Variants in WWTR1 observed in about 807,000 individuals in gnomAD.
WWTR1 encodes the protein WW domain containing transcription regulator 1.
A neutral mutation model predicts 40.1 loss-of-function variants in WWTR1; 13 were observed. That is an observed-to-expected ratio of 0.32 (90% confidence interval 0.21 to 0.52). The LOEUF (loss-of-function observed/expected upper bound fraction) is 0.52, where lower values mean the gene tolerates loss of function less well. Among genes scored for constraint, WWTR1 ranks in the 20% least tolerant of loss-of-function variants. The probability of loss-of-function intolerance (pLI) is 0.97; values close to 1 mark genes in which losing one functional copy is unlikely to be tolerated. For missense variants in WWTR1, 436 were observed against 523.1 expected (o/e 0.83, Z 1.63); for synonymous variants, 230 against 210.1 (o/e 1.09, Z -0.82).
At chr3:149,637,437 G>A (rs77478406) in intron 2 of WWTR1, among the ~76,000 whole-genome samples, 2 of 151,814 alleles carry the variant, frequency 1.3e-5, no homozygotes, top group African/African-American at 4.8e-5. Context: ...CACCATGTTG[G>A]CCAGGCTGGT....
intron 2 of WWTR1, among the ~76,000 whole-genome samples, chr3:149,615,484 G>C (rs72997959): frequency 0.041 from 6,215 of 152,206 alleles, 409 homozygotes; most frequent in African/African-American, 0.14. Context: ...GTAGGTACGT[G>C]GGAAATTATC....
intron 2 of WWTR1, among the ~76,000 whole-genome samples, chr3:149,613,768 A>G (rs1162789172): frequency 1.3e-5 from 2 of 152,114 alleles, no homozygotes; most frequent in Non-Finnish European, 2.9e-5. Context: ...CTGGTCTCGA[A>G]ATCTTGGACT....
chr3:149,718,579 A>G (rs968239345), intron 4 of WWTR1, among the ~76,000 whole-genome samples: 8 of 152,218 alleles, frequency 5.3e-5, no homozygotes, highest in Admixed American at 2.6e-4. Flanking sequence ...ATCCATCTCC[A>G]GATCTCTTTT....
chr3:149,541,956 C>G (rs1414822348), intron 4 of WWTR1, among the ~76,000 whole-genome samples: 3 of 152,144 alleles, frequency 2.0e-5, no homozygotes, highest in Non-Finnish European at 4.4e-5. Context: ...AGGTGAGCCC[C>G]TTCTAAATTC....
chr3:149,620,581 C>T (rs1576602067), intron 2 of WWTR1, among the ~76,000 whole-genome samples: 1 of 147,044 alleles, frequency 6.8e-6, no homozygotes, highest in African/African-American at 2.5e-5. Flanking sequence ...CACACACACA[C>T]ACTCATCTTC....
intron 5 of WWTR1, among the ~76,000 whole-genome samples, chr3:149,716,587 G>GA (rs896943441): frequency 6.0e-5 from 9 of 150,668 alleles, no homozygotes; most frequent in Non-Finnish European, 7.4e-5. Flanking sequence ...TGGTATTAGG[G>GA]AAAAAAAAAT....
chr3:149,706,398 A>G (rs1230812581), upstream of WWTR1, among the ~76,000 whole-genome samples: 1 of 151,960 alleles, frequency 6.6e-6, no homozygotes, highest in South Asian at 2.1e-4. Context: ...GGCTCACCAC[A>G]ACCTCCGTCT....
intron 2 of WWTR1, among the ~76,000 whole-genome samples, chr3:149,639,028 C>T (rs912151780): frequency 6.6e-6 from 1 of 152,142 alleles, no homozygotes; most frequent in African/African-American, 2.4e-5. Flanking sequence ...TTTGGGCTGC[C>T]GTGAAGAACC....
At chr3:149,612,814 T>C (rs1739796612) in intron 2 of WWTR1, among the ~76,000 whole-genome samples, 1 of 152,116 alleles carries the variant, frequency 6.6e-6, no homozygotes, top group Non-Finnish European at 1.5e-5. Flanking sequence ...ATGAACATCG[T>C]CTCCTCTTAA....
intron 1 of WWTR1, among the ~76,000 whole-genome samples, chr3:149,699,924 C>G (rs1399495964): frequency 1.3e-5 from 2 of 152,178 alleles, no homozygotes; most frequent in African/African-American, 2.4e-5. Flanking sequence ...ACACCCCACT[C>G]ATCAGTACCA....
intron 2 of WWTR1, among the ~76,000 whole-genome samples, chr3:149,615,479 T>C (rs1429089004): frequency 6.6e-6 from 1 of 152,204 alleles, no homozygotes; most frequent in African/African-American, 2.4e-5. Context: ...GGATGGTAGG[T>C]ACGTGGGAAA....
At chr3:149,594,042 T>C (rs1394264973) in intron 2 of WWTR1, among the ~76,000 whole-genome samples, 2 of 152,208 alleles carry the variant, frequency 1.3e-5, no homozygotes, top group South Asian at 2.1e-4. Context: ...CCTGCTTACG[T>C]GGGTGTGTTC....
chr3:149,639,860 G>T (rs1712049883), intron 2 of WWTR1, among the ~76,000 whole-genome samples: 1 of 152,038 alleles, frequency 6.6e-6, no homozygotes, highest in African/African-American at 2.4e-5. Context: ...CAGGCGTGGT[G>T]GTGGGCACTT....
At chr3:149,664,060 C>T (rs1713702221) in intron 2 of WWTR1, among the ~76,000 whole-genome samples, 2 of 152,204 alleles carry the variant, frequency 1.3e-5, no homozygotes, top group South Asian at 2.1e-4. Flanking sequence ...TCAGCCCTAC[C>T]TCCGGGTTGC....
At chr3:149,690,732 A>G (rs1435666128) in intron 1 of WWTR1, among the ~76,000 whole-genome samples, 1 of 152,218 alleles carries the variant, frequency 6.6e-6, no homozygotes, top group Admixed American at 6.5e-5. Context: ...CAACAAAGAA[A>G]CATCAGACTT....
chr3:149,691,522 T>C (rs1190463968), intron 1 of WWTR1, among the ~76,000 whole-genome samples: 1 of 151,940 alleles, frequency 6.6e-6, no homozygotes, highest in Non-Finnish European at 1.5e-5. Context: ...TAGAGACTAC[T>C]ATGAGCAACT....
chr3:149,527,731 A>AC, intron 5 of WWTR1, 105 bp downstream of exon 5: 1 of 1,512,976 alleles, frequency 6.6e-7, no homozygotes, highest in Non-Finnish European at 9.1e-7. Context: ...CTCACCCTCA[A>AC]CCCTCAAGCT....
upstream of WWTR1, among the ~76,000 whole-genome samples, chr3:149,706,214 T>G (rs559979467): frequency 2.1e-4 from 32 of 151,660 alleles, no homozygotes; most frequent in Non-Finnish European, 2.5e-4. Flanking sequence ...AAAGAAAAAA[T>G]AAAAAAGAAA....
chr3:149,597,149 G>C (rs575031018), intron 2 of WWTR1, among the ~76,000 whole-genome samples: 1 of 152,190 alleles, frequency 6.6e-6, no homozygotes, highest in East Asian at 1.9e-4. Flanking sequence ...ATAACTGTTA[G>C]GTAAACAGTG....
Sources: allele counts gnomAD v4.1 joint callset (sites outside exome capture counted in the v4.1 genomes callset), GRCh38; gene constraint gnomAD v4.1.1; transcripts MANE v1.5; gene names NCBI Gene and HGNC (gene_info 2026-07-23, HGNC 2026-07-21).